RELL1: variants seen among roughly 807,000 people sequenced by gnomAD.
RELL1 encodes RELT-like protein 1.
A neutral mutation model predicts 23.0 loss-of-function variants in RELL1; 10 were observed. The observed-to-expected ratio is 0.43, with a 90% confidence interval of 0.27 to 0.74. The LOEUF (loss-of-function observed/expected upper bound fraction) is 0.74. Among genes scored for constraint, RELL1 ranks in the 30% least tolerant of loss-of-function variants. RELL1 has a pLI of 0.19. For synonymous variants in RELL1, 146 were observed against 146.8 expected (o/e 0.99, Z 0.04); for missense variants, 315 against 364.4 (o/e 0.86, Z 1.10).
At chr4:37,630,457 C>T (rs1720091469) in intron 6 of RELL1, among the ~76,000 whole-genome samples, 1 of 150,610 alleles carries the variant, frequency 6.6e-6, no homozygotes, top group African/African-American at 2.4e-5. Context: ...CTCCGCCTCC[C>T]GGGTTCACGC....
intron 1 of RELL1, among the ~76,000 whole-genome samples, chr4:37,651,230 CGGA>C (rs2109285465): frequency 6.6e-6 from 1 of 152,178 alleles, no homozygotes; most frequent in South Asian, 2.1e-4. Context: ...CCAAGGCAGG[CGGA>C]TCACTTGAGG....
chr4:37,592,353 G>GA (rs11403816), intron 6 of RELL1, among the ~76,000 whole-genome samples: 70,508 of 107,804 alleles, frequency 0.65, 20,824 homozygotes, highest in Admixed American at 0.68. Flanking sequence ...CCATCTCTAT[G>GA]AAAAAAAAAA....
chr4:37,624,491 T>C (rs1232291977), intron 6 of RELL1, among the ~76,000 whole-genome samples: 2 of 148,346 alleles, frequency 1.3e-5, no homozygotes, highest in East Asian at 4.0e-4. Flanking sequence ...GTGTGCAATC[T>C]CGGCTCACTG....
chr4:37,641,247 C>A (rs1720522940), intron 3 of RELL1, among the ~76,000 whole-genome samples: 1 of 152,004 alleles, frequency 6.6e-6, no homozygotes, highest in Admixed American at 6.6e-5. Context: ...ACACACACAC[C>A]CACATGCATG....
At chr4:37,636,203 T>C (rs1244898349) in intron 4 of RELL1, among the ~76,000 whole-genome samples, 1 of 152,148 alleles carries the variant, frequency 6.6e-6, no homozygotes, top group African/African-American at 2.4e-5. Flanking sequence ...CCAGAAACCA[T>C]GCAATTAATC....
chr4:37,605,721 G>A (rs147968222), downstream of RELL1, among the ~76,000 whole-genome samples: 694 of 150,608 alleles, frequency 4.6e-3, 7 homozygotes, highest in African/African-American at 0.016. Context: ...TGGCCTGGGC[G>A]ACAGAGTGAG....
At chr4:37,599,581 T>G (rs1438032964) in intron 6 of RELL1, among the ~76,000 whole-genome samples, 1 of 152,210 alleles carries the variant, frequency 6.6e-6, no homozygotes, top group Non-Finnish European at 1.5e-5. Context: ...ACAATGGGGA[T>G]GCACATGGCC....
intron 4 of RELL1, 61 bp downstream of exon 4, chr4:37,638,386 G>T: frequency 1.5e-6 from 2 of 1,299,306 alleles, no homozygotes; most frequent in Non-Finnish European, 2.2e-6. Flanking sequence ...TTCAGATGGC[G>T]CCATATCTGA....
chr4:37,672,339 A>G (rs1721861862), intron 1 of RELL1, among the ~76,000 whole-genome samples: 1 of 152,194 alleles, frequency 6.6e-6, no homozygotes, highest in African/African-American at 2.4e-5. Flanking sequence ...GGAGCTCATT[A>G]TGAGTAACAA....
At chr4:37,646,927 T>G (rs1405003442) in intron 3 of RELL1, among the ~76,000 whole-genome samples, 1 of 151,994 alleles carries the variant, frequency 6.6e-6, no homozygotes, top group Non-Finnish European at 1.5e-5. Flanking sequence ...GTCTCACTAT[T>G]TTGCCCAGGC....
In RELL1 at chr4:37,686,310, C is replaced by T; in HGVS notation, c.-23G>A. 1.4e-6 allele frequency: 2 copies of T among 1,473,986 alleles called. No individual in the cohort carries two copies. Among genetic ancestry groups the T allele is most frequent in the Non-Finnish European group, 1.8e-6 (2 of 1,115,078 alleles). 91.3% of individuals were successfully genotyped at this position (1,473,986 alleles called of 1,614,324 possible). A position where few individuals can be genotyped will look rare whatever the true frequency, so the allele number is the denominator to read the frequency against. On this transcript the variant is annotated 5_prime_UTR_variant, in exon 1 of 7. Coordinates refer to ENST00000454158, the MANE Select transcript of RELL1 (RefSeq NM_001085400.2). ...CATCGCCGCGTCGCTTCGCCCTCCT[C>T]CCCCAGGGCGCCGCGTCCCGCGCTC... is the stretch of plus-strand genomic sequence containing the variant.
chr4:37,601,951 T>C (rs182696466), intron 6 of RELL1, among the ~76,000 whole-genome samples: 2 of 151,880 alleles, frequency 1.3e-5, no homozygotes, highest in Non-Finnish European at 3.0e-5. Context: ...CAGTGGCTCA[T>C]GCCTGTAGTT....
Position 37,638,435 on chromosome 4 carries a change from A to G in RELL1, c.443+12T>C. On this transcript the variant is annotated intron_variant, in intron 4 of 6. Transcript: ENST00000454158. ...AAGATGTCGCACTAAGAAAGAGGGG[A>G]GGAGCACTCACCTTTCAGGATCATA... 1.2e-6 allele frequency: 2 copies of G among 1,605,950 alleles called. No individual in the cohort carries two copies. Among genetic ancestry groups the G allele is most frequent in the South Asian group, 1.1e-5 (1 of 90,490 alleles).
At chr4:37,684,606 GT>G (rs1722336771) in intron 1 of RELL1, among the ~76,000 whole-genome samples, 1 of 152,194 alleles carries the variant, frequency 6.6e-6, no homozygotes, top group African/African-American at 2.4e-5. Context: ...TCACATCCAA[GT>G]GGAACCTGAT....
intron 1 of RELL1, among the ~76,000 whole-genome samples, chr4:37,677,538 G>A (rs969818216): frequency 2.6e-5 from 4 of 152,132 alleles, no homozygotes; most frequent in Non-Finnish European, 4.4e-5. Flanking sequence ...AAATACTAAA[G>A]AAAAACTGTC....
chr4:37,588,804 A>T, downstream of RELL1: 2 of 1,370,844 alleles, frequency 1.5e-6, no homozygotes, highest in Non-Finnish European at 2.1e-6. Flanking sequence ...CTACTAATAT[A>T]TCACTCACTG....
At chr4:37,598,161 T>A (rs1343401991) in intron 6 of RELL1, among the ~76,000 whole-genome samples, 1 of 141,618 alleles carries the variant, frequency 7.1e-6, no homozygotes, top group Non-Finnish European at 1.5e-5. Context: ...GTTGGTTTTG[T>A]TGGTTGGCTG....
intron 1 of RELL1, among the ~76,000 whole-genome samples, chr4:37,650,926 G>A (rs1484664439): frequency 6.6e-6 from 1 of 151,930 alleles, no homozygotes; most frequent in East Asian, 1.9e-4. Flanking sequence ...GGGCATTGTG[G>A]TACACAACTG....
chr4:37,606,060 G>A (rs1719209282), downstream of RELL1, among the ~76,000 whole-genome samples: 2 of 143,660 alleles, frequency 1.4e-5, no homozygotes, highest in South Asian at 2.2e-4. This position sits in a 1 kb window ranked among gnomAD's most constrained non-coding sequence, Gnocchi z 4.1. Context: ...AGAAAGGGAA[G>A]GAAGGAAAAA....
Sources: gnomAD v4.1 joint callset for allele counts (sites outside exome capture counted in the v4.1 genomes callset) on GRCh38, gnomAD v4.1.1 for gene constraint, Gnocchi (gnomAD v3.1) non-coding constraint, MANE v1.5 for transcripts, NCBI Gene and HGNC (gene_info 2026-07-23, HGNC 2026-07-21) for gene names.